CPNE8: variants seen among roughly 807,000 people sequenced by gnomAD.
CPNE8 encodes copine-8.
In CPNE8, 45 loss-of-function variants were observed where a neutral mutation model predicts 81.5. The observed-to-expected ratio is 0.55, with a 90% CI of 0.44 to 0.71. CPNE8 has a LOEUF of 0.71. Among genes scored for constraint, CPNE8 ranks in the 30% least tolerant of loss-of-function variants. CPNE8 has a pLI of 0.00. For synonymous variants in CPNE8, 252 were observed against 226.3 expected (o/e 1.11, Z -1.02); for missense variants, 594 against 672.1 (o/e 0.88, Z 1.28).
At chr12:38,732,757 C>G (rs1940861260) in intron 10 of CPNE8, among the ~76,000 whole-genome samples, 1 of 151,950 alleles carries the variant, frequency 6.6e-6, no homozygotes, top group Non-Finnish European at 1.5e-5. Flanking sequence ...AGTTTACTCT[C>G]ATATTACAAG....
intron 19 of CPNE8, among the ~76,000 whole-genome samples, chr12:38,656,930 C>T (rs1003714838): frequency 1.3e-5 from 2 of 152,164 alleles, no homozygotes; most frequent in African/African-American, 4.8e-5. Context: ...CGAATAGGAA[C>T]AGCTCTGGTC....
intron 3 of CPNE8, among the ~76,000 whole-genome samples, chr12:38,856,759 C>T (rs927788489): frequency 2.0e-5 from 3 of 152,084 alleles, no homozygotes; most frequent in African/African-American, 7.2e-5. Context: ...AACTGATCAC[C>T]ACATTTAAAA....
rs771245572 is a variant in CPNE8, at chr12:38,874,438, T to C, written c.139+33A>G. ...TTCCTACAACTTTTGCAAAATCAAA[T>C]GATTTTTCAAAAGGCAAGCAATACA... On this transcript the variant is annotated intron_variant, in intron 2 of 19. Coordinates refer to ENST00000331366, the MANE Select transcript of CPNE8 (RefSeq NM_153634.3). The C allele has an allele frequency of 1.8e-5, 28 of 1,542,908 alleles. 1 individual carries two copies. The highest frequency in any genetic ancestry group is 3.4e-4 in the Middle Eastern group (2 of 5,864).
intron 6 of CPNE8, among the ~76,000 whole-genome samples, chr12:38,785,804 C>T (rs1942171413): frequency 6.6e-6 from 1 of 152,012 alleles, no homozygotes; most frequent in Non-Finnish European, 1.5e-5. Flanking sequence ...TTTTTGCTTA[C>T]TTCCTTGTTT....
intron 3 of CPNE8, among the ~76,000 whole-genome samples, chr12:38,853,771 C>A (rs937357474): frequency 2.6e-5 from 4 of 152,002 alleles, no homozygotes; most frequent in Admixed American, 6.5e-5. Context: ...TAGAAATACT[C>A]CTCATTTCTA....
intron 5 of CPNE8, among the ~76,000 whole-genome samples, chr12:38,833,274 T>A (rs888850849): frequency 7.0e-6 from 1 of 143,354 alleles, no homozygotes; most frequent in Non-Finnish European, 1.5e-5. Context: ...AATCGCTTGA[T>A]CCCGGAGGCA....
rs57376063 is a variant in CPNE8, at chr12:38,710,268, C to CAAAAAAAAAAAAAAAAA, written c.915-7364_915-7348dup. ...ATGTGACATAATCAAAATAAGCTAA[C>CAAAAAAAAAAAAAAAAA]AAAAAAAAAAAAAAAAAAAACCAAC... On this transcript the variant is annotated intron_variant, in intron 13 of 19. Coordinates refer to ENST00000331366, the MANE Select transcript of CPNE8 (RefSeq NM_153634.3). Among the ~76,000 whole-genome samples, 21 of 50,274 alleles carry CAAAAAAAAAAAAAAAAA rather than the reference C, an allele frequency of 4.2e-4. 1 individual carries two copies. The highest frequency in any genetic ancestry group is 1.4e-3 in the South Asian group (1 of 698). The allele number at this position is 50,274 out of a possible 152,430, so 33.0% of individuals were successfully genotyped here. A position where few individuals can be genotyped will look rare whatever the true frequency, so the allele number is the denominator to read the frequency against.
At chr12:38,683,194 A>G (rs1330588373) in intron 16 of CPNE8, among the ~76,000 whole-genome samples, 1 of 152,218 alleles carries the variant, frequency 6.6e-6, no homozygotes, top group East Asian at 1.9e-4. Context: ...ATTCTTAAAA[A>G]GAGTAAGCAT....
At chr12:38,722,570 A>T (rs1490331651) in intron 13 of CPNE8, among the ~76,000 whole-genome samples, 1 of 152,322 alleles carries the variant, frequency 6.6e-6, no homozygotes, top group Middle Eastern at 3.4e-3. Flanking sequence ...CTGAATCATA[A>T]TTAGGAAGAG....
intron 1 of CPNE8, among the ~76,000 whole-genome samples, chr12:38,878,888 A>G (rs568896766): frequency 7.9e-5 from 12 of 152,354 alleles, no homozygotes; most frequent in Non-Finnish European, 1.8e-4. Flanking sequence ...ATTTACAGAA[A>G]TAACTAAACA....
chr12:38,874,565 T>A, intron 1 of CPNE8, 54 bp from the exon 2 acceptor site: 2 of 1,120,442 alleles, frequency 1.8e-6, no homozygotes, highest in Non-Finnish European at 2.7e-6. Flanking sequence ...ATATTTATAT[T>A]TATATAGACA....
intron 1 of CPNE8, among the ~76,000 whole-genome samples, chr12:38,883,403 G>C (rs1944191251): frequency 6.6e-6 from 1 of 152,084 alleles, no homozygotes; most frequent in African/African-American, 2.4e-5. Flanking sequence ...ATAAAAATTA[G>C]GCAGTATTGG....
At chr12:38,712,001 CCA>C (rs1940271027) in intron 13 of CPNE8, among the ~76,000 whole-genome samples, 1 of 152,162 alleles carries the variant, frequency 6.6e-6, no homozygotes, top group Non-Finnish European at 1.5e-5. Flanking sequence ...CTACTCAGCA[CCA>C]CAGAGTTTAG....
chr12:38,687,370 C>CTTTTTTTTTTTTTTTTTTTTTTT lies in CPNE8; in HGVS notation c.1144-1754_1144-1753insAAAAAAAAAAAAAAAAAAAAAAA, dbSNP rs35643732. The stretch of plus-strand genomic sequence containing the variant: ...GCTACCAAATTACGAAATGCCAAGA[C>CTTTTTTTTTTTTTTTTTTTTTTT]TTTCTTTTTTTTTTTTTTTTTTTTT... On this transcript the variant is annotated intron_variant, in intron 15 of 19. Transcript: ENST00000331366. Among the ~76,000 whole-genome samples the CTTTTTTTTTTTTTTTTTTTTTTT allele has an allele frequency of 4.2e-5, 4 of 95,494 alleles. 2 individuals are homozygous for CTTTTTTTTTTTTTTTTTTTTTTT. 62.6% of individuals were successfully genotyped at this position (95,494 alleles called of 152,430 possible).
At chr12:38,773,592 T>C (rs1457669039) in intron 7 of CPNE8, among the ~76,000 whole-genome samples, 1 of 152,072 alleles carries the variant, frequency 6.6e-6, no homozygotes, top group Non-Finnish European at 1.5e-5. Context: ...AAAATGTAGG[T>C]GAGCTGACTC....
At chr12:38,685,730 G>A in intron 15 of CPNE8, 113 bp from the exon 16 acceptor site, 1 of 1,050,684 alleles carries the variant, frequency 9.5e-7, no homozygotes, top group Non-Finnish European at 1.4e-6. Flanking sequence ...ATTTTTTGAG[G>A]AACTCTTATT....
chr12:38,687,760 C>T (rs191440485), intron 15 of CPNE8, among the ~76,000 whole-genome samples: 24 of 152,186 alleles, frequency 1.6e-4, no homozygotes, highest in Non-Finnish European at 2.9e-4. Flanking sequence ...TTTTATCATT[C>T]GTGACAGAGG....
intron 18 of CPNE8, among the ~76,000 whole-genome samples, 172 bp downstream of exon 18, chr12:38,675,545 A>G (rs984399550): frequency 6.6e-6 from 1 of 152,212 alleles, no homozygotes; most frequent in Non-Finnish European, 1.5e-5. Context: ...CTGAATAGAC[A>G]TCATCATGAG....
intron 3 of CPNE8, 32 bp from the exon 4 acceptor site, chr12:38,848,694 A>T (rs772477236): frequency 1.3e-6 from 2 of 1,559,870 alleles, no homozygotes; most frequent in Admixed American, 4.1e-5. Flanking sequence ...TTAAAATTAA[A>T]CCTTGTACGG....
Sources: gnomAD v4.1 joint callset for allele counts (sites outside exome capture counted in the v4.1 genomes callset) on GRCh38, gnomAD v4.1.1 for gene constraint, MANE v1.5 for transcripts, NCBI Gene and HGNC (gene_info 2026-07-23, HGNC 2026-07-21) for gene names.